Variants in IL1RN observed in about 807,000 individuals in gnomAD.
The protein encoded by IL1RN is interleukin-1 receptor antagonist protein.
IL1RN carries 10 observed loss-of-function variants against 13.7 expected under a neutral mutation model. That is an observed-to-expected ratio of 0.73 (90% CI 0.45 to 1.24). IL1RN has a LOEUF of 1.24. IL1RN is among the 50% of genes most tolerant of loss of function. The probability of loss-of-function intolerance (pLI) is 0.00; values close to 1 mark genes in which losing one functional copy is unlikely to be tolerated. For synonymous variants in IL1RN, 102 were observed against 82.7 expected (o/e 1.23, Z -1.27); for missense variants, 213 against 222.1 (o/e 0.96, Z 0.26).
chr2:113,132,712 C>T lies in IL1RN; in HGVS notation c.375C>T (p.Phe125=). The change falls in exon 4 of 4, where the codon TTC becomes TTT. Residue 125 remains phenylalanine (F), a synonymous_variant. Coordinates refer to ENST00000409930, the MANE Select transcript of IL1RN (RefSeq NM_173842.3). The stretch of plus-strand genomic sequence containing the variant: ...GAAAGCAGGACAAGCGCTTCGCCTT[C>T]ATCCGCTCAGACAGTGGCCCCACCA... ...ENRKQDKRFA[F]IRSDSGPTTS... 6.2e-7 allele frequency: 1 copy of T among 1,614,256 alleles called. No individual in the cohort carries two copies. The highest frequency in any genetic ancestry group is 8.5e-7 in the Non-Finnish European group (1 of 1,180,034).
chr2:113,128,227 A>T (rs964551415), intron 1 of IL1RN, among the ~76,000 whole-genome samples: 9 of 152,250 alleles, frequency 5.9e-5, no homozygotes, highest in African/African-American at 7.2e-5. Context: ...TTGTTGTGAA[A>T]ATTAAATGCA....
chr2:113,132,947 T>TC lies in IL1RN; in HGVS notation c.*79dup. Reference sequence around the variant, plus strand: ...ACTGCCAGTCCCCCTGCCCCAGGGCTCCCGGCTATGGGGGCACTGAGGACC... The same window carrying TC: ...ACTGCCAGTCCCCCTGCCCCAGGGCTCCCCGGCTATGGGGGCACTGAGGACC... On this transcript the variant is annotated 3_prime_UTR_variant, in exon 4 of 4. Transcript: ENST00000409930. 1 of 1,419,320 alleles carries TC rather than the reference T, an allele frequency of 7.0e-7. No homozygotes were observed. The highest frequency in any genetic ancestry group is 1.0e-6 in the Non-Finnish European group (1 of 1,004,384). The allele number at this position is 1,419,320 out of a possible 1,614,324, so 87.9% of individuals were successfully genotyped here.
chr2:113,130,533 T>C (rs1687134155), intron 2 of IL1RN, among the ~76,000 whole-genome samples: 1 of 152,146 alleles, frequency 6.6e-6, no homozygotes. Flanking sequence ...ACAGGTATCC[T>C]GGGGAAAGTG....
chr2:113,114,986 A>G (rs1391000545), upstream of IL1RN, among the ~76,000 whole-genome samples: 1 of 152,136 alleles, frequency 6.6e-6, no homozygotes, highest in Non-Finnish European at 1.5e-5. Context: ...AGTTCAGGGA[A>G]CAAGAGGGGC....
At chr2:113,101,140 G>A in the IL1RN span, among the ~76,000 whole-genome samples, 1 of 152,196 alleles carries the variant, frequency 6.6e-6, no homozygotes, top group African/African-American at 2.4e-5. Context: ...GTCAGATAAA[G>A]GCTAGTTTGT....
intron 1 of IL1RN, chr2:113,120,058 C>T (rs1287048086): frequency 1.2e-6 from 2 of 1,611,682 alleles, no homozygotes; most frequent in Middle Eastern, 1.7e-4. Flanking sequence ...CCACCACTTC[C>T]CTTACAGCTG....
At chr2:113,107,000 T>G (rs935025752), upstream of IL1RN, among the ~76,000 whole-genome samples, 1 of 152,214 alleles carries the variant, frequency 6.6e-6, no homozygotes, top group Non-Finnish European at 1.5e-5. Context: ...ACTATTGTGC[T>G]GAAAGATTTA....
Position 113,129,641 on chromosome 2 carries a change from A to G in IL1RN, c.182A>G (p.Gln61Arg). 2 of 1,611,788 alleles carry G rather than the reference A, an allele frequency of 1.2e-6. No homozygotes were observed. Among genetic ancestry groups the G allele is most frequent in the Non-Finnish European group, 1.7e-6 (2 of 1,177,738 alleles). The change falls in exon 2 of 4, where the codon CAA becomes CGA. Residue 61 changes from glutamine to arginine, a missense_variant. Coordinates refer to ENST00000409930, the MANE Select transcript of IL1RN (RefSeq NM_173842.3). ...RNNQLVAGYL[Q>R]GPNVNLEEKI... ...AACCAACTAGTTGCTGGATACTTGC[A>G]AGGACCAAATGTCAATTTAGAAGGT...
the IL1RN span, among the ~76,000 whole-genome samples, chr2:113,100,147 C>A: frequency 6.7e-6 from 1 of 149,544 alleles, no homozygotes; most frequent in African/African-American, 2.5e-5. Context: ...ATGGTGAAAC[C>A]CCGTCTCTAC....
intron 1 of IL1RN, among the ~76,000 whole-genome samples, chr2:113,112,062 G>A (rs868733811): frequency 1.3e-5 from 2 of 152,212 alleles, no homozygotes; most frequent in African/African-American, 2.4e-5. Flanking sequence ...AGAGACCACA[G>A]GTTGATCACC....
At chr2:113,103,180 G>C (rs1046297650), upstream of IL1RN, among the ~76,000 whole-genome samples, 4 of 152,230 alleles carry the variant, frequency 2.6e-5, no homozygotes. Context: ...GATGGGATTG[G>C]AATGGAGGTG....
At chr2:113,129,699 C>A in intron 2 of IL1RN, 35 bp downstream of exon 2, 1 of 1,326,522 alleles carries the variant, frequency 7.5e-7, no homozygotes, top group Non-Finnish European at 1.1e-6. Context: ...TGTATGTGGG[C>A]ATCACGTCAC....
In IL1RN at chr2:113,133,350, A is replaced by ATT; in HGVS notation, c.*489_*490dup. 1.2e-5 allele frequency: 2 copies of ATT among 165,534 alleles called. No individual in the cohort carries two copies. Among genetic ancestry groups the ATT allele is most frequent in the South Asian group, 1.4e-4 (1 of 6,952 alleles). The allele number at this position is 165,534 out of a possible 1,614,324, so 10.3% of individuals were successfully genotyped here. ...GGAAAATGAAAATTAGGATTTCATG[A>ATT]TTTTTTTTTTTCAGTCCCCGTGAAG... On this transcript the variant is annotated 3_prime_UTR_variant, in exon 4 of 4. Transcript: ENST00000409930.
rs141614777 is a variant in IL1RN, at chr2:113,128,072, G to T, written c.116+332G>T. On this transcript the variant is annotated intron_variant, in intron 1 of 3. Transcript: ENST00000409930. ...AGAGAAGCAGAGAGGGGCACCAGGG[G>T]CACAGCCCGAAGGCCCAGACTGATA... Among the ~76,000 whole-genome samples the T allele has an allele frequency of 3.9e-3, 587 of 152,312 alleles. 4 individuals carry two copies. The highest frequency in any genetic ancestry group is 0.013 in the African/African-American group (530 of 41,568).
chr2:113,129,881 G>T lies in IL1RN; in HGVS notation c.205+217G>T, dbSNP rs408392. ...TGGAGAGGTAGAGTCTAGGTCAGAG[G>T]TCAGTGCCTATAGGCACAGTGGTCC... On this transcript the variant is annotated intron_variant, in intron 2 of 3. Transcript: ENST00000409930. 130,581 of 550,424 alleles carry T rather than the reference G, an allele frequency of 0.24. 17,409 individuals are homozygous for T. The highest frequency in any genetic ancestry group is 0.28 in the Admixed American group (10,232 of 36,042). The allele number at this position is 550,424 out of a possible 1,614,324, so 34.1% of individuals were successfully genotyped here.
intron 1 of IL1RN, among the ~76,000 whole-genome samples, chr2:113,111,977 C>A (rs315930): frequency 0.6 from 91,616 of 151,940 alleles, 28,386 homozygotes; most frequent in Non-Finnish European, 0.69. Flanking sequence ...CAGTTTTAGG[C>A]CTGAGGCAAC....
intron 2 of IL1RN, chr2:113,120,196 T>G (rs547672505): frequency 9.3e-7 from 1 of 1,072,374 alleles, no homozygotes; most frequent in East Asian, 2.4e-5. Flanking sequence ...ACATCTTGAT[T>G]ATGTAGTTGA....
intron 1 of IL1RN, among the ~76,000 whole-genome samples, chr2:113,119,513 G>A (rs1203397332): frequency 6.6e-6 from 1 of 152,162 alleles, no homozygotes; most frequent in African/African-American, 2.4e-5. Flanking sequence ...GTTATTCCGG[G>A]GGCAGCAGAT....
chr2:113,131,112 C>G lies in IL1RN; in HGVS notation c.273C>G (p.Cys91Trp). Residue 91 changes from cysteine to tryptophan, a missense_variant, in exon 3 of 4, where the codon TGC (cysteine) becomes TGG (tryptophan). By Grantham distance (215) the Cys-to-Trp change is radical. Coordinates refer to ENST00000409930, the MANE Select transcript of IL1RN (RefSeq NM_173842.3). ...LFLGIHGGKM[C>W]LSCVKSGDET... ...TGGGAATCCATGGAGGGAAGATGTGCCTGTCCTGTGTCAAGTCTGGTGATG... is the reference window on the plus strand; with the variant it reads ...TGGGAATCCATGGAGGGAAGATGTGGCTGTCCTGTGTCAAGTCTGGTGATG... 6.2e-7 allele frequency: 1 copy of G among 1,613,552 alleles called. No homozygotes were observed. Among genetic ancestry groups the G allele is most frequent in the African/African-American group, 1.3e-5 (1 of 75,032 alleles).
Sources: allele counts gnomAD v4.1 joint callset (sites outside exome capture counted in the v4.1 genomes callset), GRCh38; gene constraint gnomAD v4.1.1; transcripts MANE v1.5; gene names NCBI Gene and HGNC (gene_info 2026-07-23, HGNC 2026-07-21).